DIP2A: variants seen among roughly 807,000 people sequenced by gnomAD.
The protein encoded by DIP2A is disco-interacting protein 2 homolog A.
Under a neutral mutation model 177.4 loss-of-function variants are expected in DIP2A, and 85 were observed. The observed-to-expected ratio is 0.48, with a 90% CI of 0.40 to 0.57. The LOEUF (loss-of-function observed/expected upper bound fraction) is 0.57. Ranked by LOEUF, DIP2A falls within the 20% of genes least tolerant of loss-of-function variation. The pLI is 0.00. For synonymous variants in DIP2A, 886 were observed against 881.8 expected, an observed-to-expected ratio of 1.00 and a Z score of -0.08; for missense variants, 1,791 against 2,100.2, an observed-to-expected ratio of 0.85 and a Z score of 2.88.
At chr21:46,494,750 A>G (rs1024860107) in intron 3 of DIP2A, among the ~76,000 whole-genome samples, 7 of 151,772 alleles carry the variant, frequency 4.6e-5, no homozygotes, top group African/African-American at 1.7e-4. Context: ...ATCATATTTG[A>G]TGTTTCAGTC....
rs34594717 is a variant in DIP2A at position 46,507,692 on chromosome 21, CTTTTTTTTTTTT to C, written c.785-1550_785-1539del. ...TGCTTTTTTTTTTTAATTTTCTGTT[CTTTTTTTTTTTT>C]TTTTTTTTTTTTTTAAGACAAAGTC... On this transcript the variant is annotated intron_variant, in intron 6 of 37. Coordinates refer to ENST00000417564, the MANE Select transcript of DIP2A (RefSeq NM_015151.4). 4.1e-4 allele frequency among the ~76,000 whole-genome samples: 18 copies of C among 43,948 alleles called. 1 individual carries two copies. The East Asian group carries it at 0.012, about 29-fold the overall frequency. The allele number at this position is 43,948 out of a possible 152,430, so 28.8% of individuals were successfully genotyped here. A position where few individuals can be genotyped will look rare whatever the true frequency, so the allele number is the denominator to read the frequency against.
At position 46,498,009 on chromosome 21, in the gene DIP2A, G is replaced by A. The variant is rs1474746396; in HGVS notation, c.404-573G>A. Reference sequence around the variant, plus strand: ...TAATGTACAGTTAATTTTGTTGTCTGAAGCAATTTTCTCGGAGAAGGAATT... The same window carrying A: ...TAATGTACAGTTAATTTTGTTGTCTAAAGCAATTTTCTCGGAGAAGGAATT... On this transcript the variant is annotated intron_variant, in intron 4 of 37. Transcript: ENST00000417564. This position sits in a 1 kb window ranked among gnomAD's most constrained non-coding sequence, Gnocchi z 4.3. Among the ~76,000 whole-genome samples, 2 of 152,180 alleles carry A rather than the reference G, an allele frequency of 1.3e-5. No individual in the cohort carries two copies. Among genetic ancestry groups the A allele is most frequent in the Non-Finnish European group, 2.9e-5 (2 of 68,028 alleles).
chr21:46,486,227 C>G (rs2056688371), intron 2 of DIP2A, among the ~76,000 whole-genome samples: 1 of 152,104 alleles, frequency 6.6e-6, no homozygotes, highest in Non-Finnish European at 1.5e-5. Flanking sequence ...ACATAAGAGG[C>G]AAGGTCTTAC....
chr21:46,507,788 C>T (rs1473190596), intron 6 of DIP2A, among the ~76,000 whole-genome samples: 1 of 144,920 alleles, frequency 6.9e-6, no homozygotes, highest in Non-Finnish European at 1.5e-5. Flanking sequence ...GCAGCCTCTG[C>T]CTTCTGGTGT....
intron 5 of DIP2A, among the ~76,000 whole-genome samples, chr21:46,501,558 T>C (rs762690208): frequency 3.5e-4 from 54 of 152,202 alleles, no homozygotes; most frequent in Non-Finnish European, 7.1e-4. Context: ...CAGCTGGGAC[T>C]ATAGGCAAAT....
chr21:46,459,231 G>A lies in DIP2A; in HGVS notation c.91+9G>A, dbSNP rs570187613. 1.4e-4 allele frequency: 210 copies of A among 1,520,520 alleles called. 1 individual carries two copies. The African/African-American group carries it at 2.6e-3, about 19-fold the overall frequency. The allele number at this position is 1,520,520 out of a possible 1,614,324, so 94.2% of individuals were successfully genotyped here. On this transcript the variant is annotated intron_variant, in intron 1 of 37. Coordinates refer to ENST00000417564, the MANE Select transcript of DIP2A (RefSeq NM_015151.4). ...GCTGGAGCTGTCGGAAGGTGAGCCG[G>A]ACCCCGCCCTCAACCCCCGCGACCC...
chr21:46,545,326 T>C (rs1601779192), intron 19 of DIP2A, 53 bp downstream of exon 19: 1 of 1,563,010 alleles, frequency 6.4e-7, no homozygotes, highest in African/African-American at 1.3e-5. Flanking sequence ...TGAGCACTCA[T>C]GGGGTCCCAG....
chr21:46,544,298 A>G (rs1169681758), intron 18 of DIP2A, among the ~76,000 whole-genome samples: 2 of 152,206 alleles, frequency 1.3e-5, no homozygotes, highest in Non-Finnish European at 2.9e-5. Flanking sequence ...GAAAAGGCGC[A>G]CATGTACAAA....
intron 1 of DIP2A, among the ~76,000 whole-genome samples, chr21:46,460,075 C>T (rs1435166657): frequency 1.3e-5 from 2 of 152,190 alleles, no homozygotes; most frequent in Non-Finnish European, 2.9e-5. Flanking sequence ...ATTTTATTAT[C>T]TATAAAGTGG....
chr21:46,506,765 TTTC>T (rs138117965), intron 6 of DIP2A, among the ~76,000 whole-genome samples: 4,411 of 114,896 alleles, frequency 0.038, 143 homozygotes, highest in Non-Finnish European at 0.045. Context: ...TCTTTCTTTC[TTTC>T]TTTCTTTTCT....
At chr21:46,494,757 A>T (rs1031444065) in intron 3 of DIP2A, among the ~76,000 whole-genome samples, 2 of 151,894 alleles carry the variant, frequency 1.3e-5, no homozygotes. Flanking sequence ...TTGATGTTTC[A>T]GTCCATTTTA....
intron 9 of DIP2A, 68 bp from the exon 10 acceptor site, chr21:46,532,059 G>A: frequency 7.0e-7 from 1 of 1,432,448 alleles, no homozygotes; most frequent in South Asian, 1.3e-5. Flanking sequence ...TTTATAACTA[G>A]CTTTTAATTT....
At chr21:46,473,975 G>A (rs2055625393) in intron 1 of DIP2A, among the ~76,000 whole-genome samples, 1 of 152,186 alleles carries the variant, frequency 6.6e-6, no homozygotes, top group Admixed American at 6.5e-5. Context: ...TTGTTCTGCA[G>A]TATGTGAAAA....
intron 11 of DIP2A, 127 bp from the exon 12 acceptor site, chr21:46,533,877 T>C: frequency 1.0e-6 from 1 of 989,214 alleles, no homozygotes. Context: ...TAAAATGAAA[T>C]GAGACTAAAA....
At chr21:46,580,027 C>G in the DIP2A span, among the ~76,000 whole-genome samples, 1 of 152,184 alleles carries the variant, frequency 6.6e-6, no homozygotes, top group Non-Finnish European at 1.5e-5. Context: ...TCTTGATGAT[C>G]TAACTAATAT....
rs377697788 is a variant in DIP2A, at chr21:46,537,438, C to T, written c.1708-8C>T. 6.2e-7 allele frequency: 1 copy of T among 1,613,898 alleles called. No individual in the cohort carries two copies. Among genetic ancestry groups the T allele is most frequent in the Non-Finnish European group, 8.5e-7 (1 of 1,179,956 alleles). On this transcript the variant is annotated splice_polypyrimidine_tract_variant and splice_region_variant and intron_variant, in intron 14 of 37. Transcript: ENST00000417564. This position sits in a 1 kb window ranked among gnomAD's most constrained non-coding sequence, Gnocchi z 4.1. ...CCACTCGCCCTAAGCATGTGTGCTC[C>T]CCCACAGAGCGTCATGAACAGGATG...
chr21:46,547,580 C>G (rs1442519884), intron 21 of DIP2A, among the ~76,000 whole-genome samples: 1 of 148,870 alleles, frequency 6.7e-6, no homozygotes, highest in East Asian at 2.0e-4. Flanking sequence ...AGCTCCTTGT[C>G]TGGGAGGAAG....
chr21:46,537,547 A>G lies in DIP2A; in HGVS notation c.1801+8A>G. 1 of 1,613,858 alleles carries G rather than the reference A, an allele frequency of 6.2e-7. No individual in the cohort carries two copies. The highest frequency in any genetic ancestry group is 8.5e-7 in the Non-Finnish European group (1 of 1,179,760). On this transcript the variant is annotated splice_region_variant and intron_variant, in intron 15 of 37. Coordinates refer to ENST00000417564, the MANE Select transcript of DIP2A (RefSeq NM_015151.4). This position sits in a 1 kb window ranked among gnomAD's most constrained non-coding sequence, Gnocchi z 4.1. Reference sequence around the variant, plus strand: ...AAGTGTGCTTCTATAAAGGTAACGGATACCATGGTCAGGGCCTTCACCCTT... The same window carrying G: ...AAGTGTGCTTCTATAAAGGTAACGGGTACCATGGTCAGGGCCTTCACCCTT...
At chr21:46,558,011 G>A (rs528600980) in intron 31 of DIP2A, among the ~76,000 whole-genome samples, 12 of 152,208 alleles carry the variant, frequency 7.9e-5, no homozygotes, top group Non-Finnish European at 1.3e-4. Flanking sequence ...AAGTCTGGCC[G>A]CGTGGGAGGG....
Sources: allele counts gnomAD v4.1 joint callset (sites outside exome capture counted in the v4.1 genomes callset), GRCh38; gene constraint gnomAD v4.1.1; non-coding constraint Gnocchi (gnomAD v3.1); transcripts MANE v1.5; gene names NCBI Gene and HGNC (gene_info 2026-07-23, HGNC 2026-07-21).